The following PRTFDC1 variants were observed in gnomAD, a reference collection of about 807,000 sequenced individuals.
PRTFDC1 encodes phosphoribosyltransferase domain-containing protein 1.
In PRTFDC1, 38 loss-of-function variants were observed where a neutral mutation model predicts 34.6. The observed-to-expected ratio is 1.10, with a 90% CI of 0.85 to 1.44. The LOEUF (loss-of-function observed/expected upper bound fraction) is 1.44. PRTFDC1 is among the 40% of genes most tolerant of loss of function. The pLI, the probability that PRTFDC1 is intolerant of heterozygous loss-of-function variation, is 0.00. For synonymous variants in PRTFDC1, 93 were observed against 98.1 expected (o/e 0.95, Z 0.31); for missense variants, 270 against 283.0 (o/e 0.95, Z 0.33).
intron 3 of PRTFDC1, among the ~76,000 whole-genome samples, chr10:24,904,131 A>G (rs995636953): frequency 6.8e-4 from 104 of 152,282 alleles, no homozygotes; most frequent in African/African-American, 2.4e-3. Context: ...ACTGTAAAGC[A>G]CTAAAATTTA....
chr10:24,867,793 T>C (rs1162631600), intron 4 of PRTFDC1: 1 of 151,168 alleles, frequency 6.6e-6, no homozygotes, highest in African/African-American at 2.4e-5. Context: ...GTGGGGTTTT[T>C]GTAGGTTTAA....
chr10:24,906,871 G>T (rs1373198450), intron 3 of PRTFDC1, among the ~76,000 whole-genome samples: 1 of 152,184 alleles, frequency 6.6e-6, no homozygotes, highest in Non-Finnish European at 1.5e-5. Flanking sequence ...GGGGAGAAAT[G>T]GACAAGCTGT....
At chr10:24,938,241 A>G (rs540182097) in intron 2 of PRTFDC1, among the ~76,000 whole-genome samples, 79 of 152,204 alleles carry the variant, frequency 5.2e-4, no homozygotes, top group African/African-American at 1.8e-3. Flanking sequence ...AAAAAAAAAA[A>G]GAACATTTGT....
intron 3 of PRTFDC1, among the ~76,000 whole-genome samples, chr10:24,924,962 T>C (rs1490331448): frequency 6.6e-6 from 1 of 152,218 alleles, no homozygotes; most frequent in Admixed American, 6.5e-5. Flanking sequence ...AGGGATCCCA[T>C]TACTGGGTAT....
At chr10:24,878,756 AT>A (rs1381615947) in intron 3 of PRTFDC1, among the ~76,000 whole-genome samples, 1 of 152,166 alleles carries the variant, frequency 6.6e-6, no homozygotes, top group Non-Finnish European at 1.5e-5. Context: ...CATATCCTAA[AT>A]ATCCTGTCCT....
chr10:24,853,041 C>G (rs1055608929), intron 7 of PRTFDC1, among the ~76,000 whole-genome samples: 19 of 151,648 alleles, frequency 1.3e-4, no homozygotes, highest in African/African-American at 4.4e-4. Context: ...TGCAGAGTTT[C>G]TTGAAAAAAA....
chr10:24,912,485 T>C (rs1848641616), intron 3 of PRTFDC1, among the ~76,000 whole-genome samples: 1 of 151,922 alleles, frequency 6.6e-6, no homozygotes, highest in South Asian at 2.1e-4. Flanking sequence ...ATTTCCCTGA[T>C]GACTAATGAT....
chr10:24,873,664 T>C (rs1174520165), intron 3 of PRTFDC1, among the ~76,000 whole-genome samples: 2 of 152,074 alleles, frequency 1.3e-5, no homozygotes, highest in Admixed American at 1.3e-4. Context: ...CTATACCCAG[T>C]CTCAGACTTC....
chr10:24,884,725 T>C (rs1232413928), intron 3 of PRTFDC1, among the ~76,000 whole-genome samples: 4 of 152,080 alleles, frequency 2.6e-5, no homozygotes, highest in Admixed American at 2.6e-4. Context: ...TTAGGGGCAG[T>C]GGTGGAGAAA....
intron 3 of PRTFDC1, among the ~76,000 whole-genome samples, chr10:24,926,311 T>A (rs1194452971): frequency 6.6e-6 from 1 of 152,234 alleles, no homozygotes; most frequent in East Asian, 1.9e-4. Context: ...TTATTAGCAG[T>A]GGTACCAACA....
chr10:24,947,529 TTAAG>T (rs1342800034), intron 1 of PRTFDC1, among the ~76,000 whole-genome samples: 69 of 152,278 alleles, frequency 4.5e-4, no homozygotes, highest in African/African-American at 1.6e-3. Context: ...GACAAACCCA[TTAAG>T]TGAGTCATTT....
chr10:24,876,259 T>C (rs773753308), intron 3 of PRTFDC1, among the ~76,000 whole-genome samples: 1 of 151,970 alleles, frequency 6.6e-6, no homozygotes, highest in Non-Finnish European at 1.5e-5. Context: ...CCCAAAACTG[T>C]CTTGGTTACT....
intron 6 of PRTFDC1, among the ~76,000 whole-genome samples, chr10:24,856,438 A>T (rs1847577570): frequency 6.6e-6 from 1 of 152,032 alleles, no homozygotes; most frequent in Admixed American, 6.6e-5. Flanking sequence ...AATACAAAAA[A>T]TTAGCTGGGT....
At chr10:24,930,702 T>C (rs1471557553) in intron 3 of PRTFDC1, among the ~76,000 whole-genome samples, 2 of 152,186 alleles carry the variant, frequency 1.3e-5, no homozygotes, top group Non-Finnish European at 2.9e-5. Context: ...ACCTTGGGCA[T>C]GTTACTGAAC....
intron 3 of PRTFDC1, among the ~76,000 whole-genome samples, chr10:24,914,119 A>G (rs1185216535): frequency 3.3e-5 from 5 of 152,246 alleles, no homozygotes; most frequent in Admixed American, 3.3e-4. Context: ...TAGAAAATAA[A>G]TAATAAATCA....
chr10:24,877,787 A>G (rs1010843632), intron 3 of PRTFDC1, among the ~76,000 whole-genome samples: 1 of 152,006 alleles, frequency 6.6e-6, no homozygotes, highest in East Asian at 1.9e-4. Flanking sequence ...TGACGGGCTA[A>G]TTTTTGTATT....
chr10:24,856,309 G>T (rs906752182), intron 6 of PRTFDC1, among the ~76,000 whole-genome samples: 125 of 151,118 alleles, frequency 8.3e-4, no homozygotes, highest in African/African-American at 3.0e-3. Context: ...AAAAAGGGCC[G>T]GGTGCAGTGG....
intron 3 of PRTFDC1, among the ~76,000 whole-genome samples, chr10:24,919,730 G>A (rs1848752754): frequency 6.6e-6 from 1 of 151,962 alleles, no homozygotes; most frequent in Non-Finnish European, 1.5e-5. Context: ...TGCAATCTAT[G>A]CATCTGACAA....
Position 24,898,396 on chromosome 10 carries a change from C to T in PRTFDC1, c.340-26333G>A, listed in dbSNP as rs575258462. On this transcript the variant is annotated intron_variant, in intron 3 of 8. Coordinates refer to ENST00000320152, the MANE Select transcript of PRTFDC1 (RefSeq NM_020200.7). ...GGAGAATCAATTGAGCCTGGGAGGT[C>T]GAGGCTGCAGTGAGCCATGATTGTG... Among the ~76,000 whole-genome samples, 92 of 142,954 alleles carry T rather than the reference C, an allele frequency of 6.4e-4. 1 individual carries two copies. Among genetic ancestry groups the T allele is most frequent in the African/African-American group, 2.4e-3 (91 of 38,496 alleles). The allele number at this position is 142,954 out of a possible 152,430, so 93.8% of individuals were successfully genotyped here.
Sources: allele counts gnomAD v4.1 joint callset (sites outside exome capture counted in the v4.1 genomes callset), GRCh38; gene constraint gnomAD v4.1.1; transcripts MANE v1.5; gene names NCBI Gene and HGNC (gene_info 2026-07-23, HGNC 2026-07-21).